Variants in LRRC18 observed in about 807,000 individuals in gnomAD.
LRRC18 encodes the protein leucine rich repeat containing 18, also known as leucine-rich repeat-containing protein 18.
LRRC18 carries 12 observed loss-of-function variants against 11.2 expected under a neutral mutation model. The observed-to-expected ratio is 1.07, with a 90% CI of 0.69 to 1.74. LRRC18 has a LOEUF of 1.74. Ranked by LOEUF, LRRC18 falls within the 40% of genes most tolerant of loss-of-function variation. The pLI is 0.00. For synonymous variants in LRRC18, 155 were observed against 130.6 expected (o/e 1.19, Z -1.27); for missense variants, 374 against 330.5 (o/e 1.13, Z -1.02).
the LRRC18 span, among the ~76,000 whole-genome samples, chr10:48,927,253 C>T: frequency 6.6e-6 from 1 of 152,162 alleles, no homozygotes; most frequent in Non-Finnish European, 1.5e-5. Context: ...CACACACATC[C>T]TCAGACCCAT....
At chr10:48,924,014 G>T in the LRRC18 span, among the ~76,000 whole-genome samples, 592 of 152,336 alleles carry the variant, frequency 3.9e-3, 8 homozygotes, top group African/African-American at 0.014. Flanking sequence ...AAGCAGCACG[G>T]AGCTGGCTAC....
the LRRC18 span, among the ~76,000 whole-genome samples, chr10:48,937,416 G>A: frequency 1.3e-5 from 2 of 152,164 alleles, no homozygotes; most frequent in Admixed American, 6.5e-5. Flanking sequence ...TCTGGTCCTG[G>A]CAGGTGCTCT....
upstream of LRRC18, among the ~76,000 whole-genome samples, chr10:48,914,860 A>G (rs546664813): frequency 6.6e-6 from 1 of 152,156 alleles, no homozygotes; most frequent in South Asian, 2.1e-4. Context: ...CCCCATCATG[A>G]GCACACAGGG....
the LRRC18 span, among the ~76,000 whole-genome samples, chr10:48,925,511 A>T: frequency 2.0e-5 from 3 of 152,314 alleles, no homozygotes; most frequent in East Asian, 5.8e-4. Context: ...CTGCAGTGTT[A>T]CCTAGATTTA....
the LRRC18 span, among the ~76,000 whole-genome samples, chr10:48,939,649 G>A: frequency 1.3e-5 from 2 of 152,218 alleles, no homozygotes; most frequent in African/African-American, 2.4e-5. Context: ...CTAATCACCA[G>A]TTACCAACAA....
At chr10:48,928,728 T>G in the LRRC18 span, among the ~76,000 whole-genome samples, 4 of 152,312 alleles carry the variant, frequency 2.6e-5, no homozygotes, top group South Asian at 8.3e-4. Flanking sequence ...GAGCACCCCA[T>G]CTGCCGCAGG....
At chr10:48,911,953 A>G (rs970862801) in intron 1 of LRRC18, among the ~76,000 whole-genome samples, 1 of 152,218 alleles carries the variant, frequency 6.6e-6, no homozygotes, top group Non-Finnish European at 1.5e-5. Flanking sequence ...GTGGTTGACA[A>G]TGTGAGGAGA....
At chr10:48,915,319 G>A (rs1838414951), upstream of LRRC18, among the ~76,000 whole-genome samples, 1 of 152,142 alleles carries the variant, frequency 6.6e-6, no homozygotes, top group South Asian at 2.1e-4. Context: ...GCTCAGAAGT[G>A]AGGAAGGTCT....
At chr10:48,926,704 A>T in the LRRC18 span, among the ~76,000 whole-genome samples, 1 of 152,256 alleles carries the variant, frequency 6.6e-6, no homozygotes, top group Non-Finnish European at 1.5e-5. Context: ...ATATACAAAT[A>T]GTATGAATGT....
upstream of LRRC18, among the ~76,000 whole-genome samples, chr10:48,914,727 T>C (rs1454616761): frequency 6.6e-6 from 1 of 152,144 alleles, no homozygotes; most frequent in Admixed American, 6.5e-5. Context: ...CCTCTTCCCC[T>C]CATGGACCCA....
chr10:48,912,034 A>C (rs942319168), intron 1 of LRRC18, among the ~76,000 whole-genome samples: 10 of 152,208 alleles, frequency 6.6e-5, no homozygotes, highest in African/African-American at 2.4e-4. Context: ...CAAACTTGCC[A>C]ACAACATAGG....
intron 1 of LRRC18, among the ~76,000 whole-genome samples, chr10:48,912,999 T>C (rs549099398): frequency 3.9e-5 from 6 of 152,316 alleles, no homozygotes; most frequent in African/African-American, 1.4e-4. Context: ...AACATTTCCA[T>C]TAAATAACTT....
chr10:48,931,096 A>AC, the LRRC18 span, among the ~76,000 whole-genome samples: 1 of 150,254 alleles, frequency 6.7e-6, no homozygotes, highest in African/African-American at 2.4e-5. Context: ...CTCACACTCA[A>AC]ACACACACAC....
chr10:48,915,869 G>A (rs533345015), upstream of LRRC18, among the ~76,000 whole-genome samples: 168 of 152,220 alleles, frequency 1.1e-3, no homozygotes, highest in Non-Finnish European at 2.8e-4. Flanking sequence ...TAAAAATAGT[G>A]GACTCCCCAT....
At chr10:48,933,958 TAACA>T in the LRRC18 span, among the ~76,000 whole-genome samples, 1 of 152,048 alleles carries the variant, frequency 6.6e-6, no homozygotes, top group Non-Finnish European at 1.5e-5. Flanking sequence ...CACCAGGCAC[TAACA>T]AACCGGTCTG....
At chr10:48,921,938 T>C in the LRRC18 span, among the ~76,000 whole-genome samples, 3 of 152,316 alleles carry the variant, frequency 2.0e-5, no homozygotes, top group Non-Finnish European at 2.9e-5. Context: ...ATATAGTTAT[T>C]ATATCATCTG....
chr10:48,935,915 A>C, the LRRC18 span, among the ~76,000 whole-genome samples: 1 of 128,618 alleles, frequency 7.8e-6, no homozygotes, highest in African/African-American at 2.7e-5. Context: ...TTTTTTTTTC[A>C]GTTTTTTTCT....
At chr10:48,916,547 C>T (rs1838553811), upstream of LRRC18, among the ~76,000 whole-genome samples, 1 of 152,152 alleles carries the variant, frequency 6.6e-6, no homozygotes, top group African/African-American at 2.4e-5. Flanking sequence ...CCTACTGCCA[C>T]TTGGCTCTAG....
chr10:48,924,716 G>A, the LRRC18 span, among the ~76,000 whole-genome samples: 1 of 152,248 alleles, frequency 6.6e-6, no homozygotes, highest in South Asian at 2.1e-4. Context: ...AAACAGCATG[G>A]TGGGATACCC....
Sources: allele counts gnomAD v4.1 joint callset (sites outside exome capture counted in the v4.1 genomes callset), GRCh38; gene constraint gnomAD v4.1.1; transcripts MANE v1.5; gene names NCBI Gene and HGNC (gene_info 2026-07-23, HGNC 2026-07-21).